Variants in FBXW7 observed in about 807,000 individuals in gnomAD.
The protein encoded by FBXW7 is F-box and WD repeat domain containing 7.
A neutral mutation model predicts 86.3 loss-of-function variants in FBXW7; 11 were observed. The ratio of observed to expected loss-of-function variants is 0.13; its 90% CI spans 0.08 to 0.21. The LOEUF is 0.21. Among genes scored for constraint, FBXW7 ranks in the 10% least tolerant of loss-of-function variants. The pLI is 1.00. For missense variants in FBXW7, 488 were observed against 847.4 expected (o/e 0.58, Z 5.27); for synonymous variants, 313 against 297.9 (o/e 1.05, Z -0.52).
intron 2 of FBXW7, among the ~76,000 whole-genome samples, chr4:152,486,236 C>T (rs538155130): frequency 9.2e-5 from 14 of 152,250 alleles, no homozygotes; most frequent in African/African-American, 2.6e-4. Flanking sequence ...AGGCCTAGGT[C>T]GTTACTGCAC....
rs951769666 is a variant in FBXW7 at position 152,320,768 on chromosome 4, G to T, written c.*2113C>A. On this transcript the variant is annotated 3_prime_UTR_variant, in exon 14 of 14. Transcript: ENST00000281708. ...AGTTCTGGCATTCCGCTAGTTCTAT[G>T]ATTTGACAAATTGCCTAACCAGTCT... is the stretch of plus-strand genomic sequence containing the variant. 6.6e-6 allele frequency: 1 copy of T among 152,062 alleles called. No homozygotes were observed. The highest frequency in any genetic ancestry group is 2.4e-5 in the African/African-American group (1 of 41,418). 9.4% of individuals were successfully genotyped at this position (152,062 alleles called of 1,614,324 possible).
intron 2 of FBXW7, among the ~76,000 whole-genome samples, chr4:152,517,822 T>G (rs1236510194): frequency 2.0e-5 from 3 of 152,174 alleles, no homozygotes; most frequent in Non-Finnish European, 4.4e-5. Context: ...AAACCTGTAG[T>G]AGATTATGTC....
intron 2 of FBXW7, among the ~76,000 whole-genome samples, chr4:152,448,346 G>A (rs1741596658): frequency 6.6e-6 from 1 of 152,194 alleles, no homozygotes; most frequent in African/African-American, 2.4e-5. Context: ...CAAGAAAACT[G>A]CTAAGAACAT....
intron 2 of FBXW7, among the ~76,000 whole-genome samples, chr4:152,459,257 C>T (rs1195697557): frequency 6.6e-6 from 1 of 152,224 alleles, no homozygotes; most frequent in Non-Finnish European, 1.5e-5. Flanking sequence ...TCATTATCAT[C>T]ATATTTTCAA....
chr4:152,358,695 C>G (rs943901596), intron 4 of FBXW7, among the ~76,000 whole-genome samples: 1 of 152,136 alleles, frequency 6.6e-6, no homozygotes, highest in African/African-American at 2.4e-5. Flanking sequence ...TAGGTGGTTA[C>G]TTGACCTTTA....
rs1739459066 is a variant in FBXW7, at chr4:152,427,134, T to A, written c.-119-14605A>T. Among the ~76,000 whole-genome samples the A allele has an allele frequency of 2.0e-5, 3 of 152,154 alleles. No individual in the cohort carries two copies. In the South Asian group the frequency reaches 6.2e-4, roughly 31 times the overall value. On this transcript the variant is annotated intron_variant, in intron 2 of 13. Coordinates refer to ENST00000281708, the MANE Select transcript of FBXW7 (RefSeq NM_001349798.2). The stretch of plus-strand genomic sequence containing the variant: ...GAAAATAAGCTAGATAAAATTAGGA[T>A]TAAATTTATTTGTGTAGCAAACAGA...
chr4:152,338,339 T>C (rs1730371722), intron 6 of FBXW7, among the ~76,000 whole-genome samples: 1 of 152,026 alleles, frequency 6.6e-6, no homozygotes, highest in South Asian at 2.1e-4. Context: ...TAAAATTAGA[T>C]GGTTTTAATA....
At chr4:152,487,259 C>G (rs1413021885) in intron 2 of FBXW7, among the ~76,000 whole-genome samples, 1 of 151,906 alleles carries the variant, frequency 6.6e-6, no homozygotes, top group Non-Finnish European at 1.5e-5. Flanking sequence ...AAGGCATTAC[C>G]CCACAGATTA....
At chr4:152,434,226 G>C (rs191804832) in intron 2 of FBXW7, among the ~76,000 whole-genome samples, 3 of 152,176 alleles carry the variant, frequency 2.0e-5, no homozygotes, top group African/African-American at 7.2e-5. Context: ...TTCACTTCCT[G>C]AATGTGGAAA....
At chr4:152,412,139 T>C (rs996425922) in intron 3 of FBXW7, among the ~76,000 whole-genome samples, 1 of 152,134 alleles carries the variant, frequency 6.6e-6, no homozygotes, top group Non-Finnish European at 1.5e-5. Flanking sequence ...GTTTAATTCC[T>C]TTGACCAATA....
At chr4:152,437,021 C>CTT (rs2126968744) in intron 2 of FBXW7, among the ~76,000 whole-genome samples, 1 of 152,328 alleles carries the variant, frequency 6.6e-6, no homozygotes, top group East Asian at 1.9e-4. Context: ...GTCATTTCTA[C>CTT]TTTCCAGTCT....
intron 2 of FBXW7, among the ~76,000 whole-genome samples, chr4:152,449,619 T>C (rs750134833): frequency 1.2e-4 from 18 of 152,190 alleles, no homozygotes; most frequent in Non-Finnish European, 2.1e-4. Flanking sequence ...AAAAACCTCA[T>C]TGTTTTGATA....
chr4:152,399,720 G>C (rs1041358579), intron 4 of FBXW7, among the ~76,000 whole-genome samples: 12 of 152,052 alleles, frequency 7.9e-5, no homozygotes, highest in African/African-American at 2.7e-4. Context: ...GCAGCCCCCT[G>C]AAATAAAATA....
intron 4 of FBXW7, among the ~76,000 whole-genome samples, chr4:152,386,228 A>G (rs1036819605): frequency 1.3e-5 from 2 of 152,122 alleles, no homozygotes; most frequent in Non-Finnish European, 2.9e-5. Flanking sequence ...GATACCACAA[A>G]TAATAAGGCA....
intron 4 of FBXW7, among the ~76,000 whole-genome samples, chr4:152,367,901 GAAAA>G (rs546720545): frequency 3.3e-5 from 5 of 151,726 alleles, no homozygotes; most frequent in Admixed American, 1.3e-4. Context: ...TTATACTAAA[GAAAA>G]AACATACTAA....
intron 2 of FBXW7, among the ~76,000 whole-genome samples, chr4:152,507,455 A>T (rs151236790): frequency 2.6e-5 from 4 of 152,364 alleles, no homozygotes; most frequent in Admixed American, 6.5e-5. Flanking sequence ...CTTGTGAAGA[A>T]ATCCTCCAGG....
At position 152,350,005 on chromosome 4, in the gene FBXW7, CTG is replaced by C. The variant is rs774068189; in HGVS notation, c.584+35_584+36del. 8 of 1,199,898 alleles carry C rather than the reference CTG, an allele frequency of 6.7e-6. No homozygotes were observed. In the African/African-American group the frequency reaches 1.1e-4, roughly 16 times the overall value. The allele number at this position is 1,199,898 out of a possible 1,614,324, so 74.3% of individuals were successfully genotyped here. On this transcript the variant is annotated intron_variant, in intron 5 of 13. Transcript: ENST00000281708. ...CACTTTCAGAATCAACTCTAAAAAA[CTG>C]AGAATCATGAGATAATCATTATATT...
At chr4:152,431,029 C>G (rs1260027477) in intron 2 of FBXW7, among the ~76,000 whole-genome samples, 1 of 152,104 alleles carries the variant, frequency 6.6e-6, no homozygotes, top group African/African-American at 2.4e-5. Context: ...GTCTTCCTGC[C>G]AAGAATTTGA....
At chr4:152,323,426 C>T (rs888239937) in intron 13 of FBXW7, 15 of 458,370 alleles carry the variant, frequency 3.3e-5, no homozygotes, top group African/African-American at 7.8e-5. Flanking sequence ...GCTGTGTGAA[C>T]GACAGCATTC....
Sources: allele counts gnomAD v4.1 joint callset (sites outside exome capture counted in the v4.1 genomes callset), GRCh38; gene constraint gnomAD v4.1.1; transcripts MANE v1.5; gene names NCBI Gene and HGNC (gene_info 2026-07-23, HGNC 2026-07-21).